ARHGEF2: variants seen among roughly 807,000 people sequenced by gnomAD.
The protein encoded by ARHGEF2 is rho guanine nucleotide exchange factor 2.
ARHGEF2 carries 22 observed loss-of-function variants against 121.0 expected under a neutral mutation model. The observed-to-expected ratio is 0.18, with a 90% CI of 0.13 to 0.26. The LOEUF is 0.26. Ranked by LOEUF, ARHGEF2 falls within the 10% of genes least tolerant of loss-of-function variation. The probability of loss-of-function intolerance (pLI) is 1.00; values close to 1 mark genes in which losing one functional copy is unlikely to be tolerated. For missense variants in ARHGEF2, 907 were observed against 1,336.0 expected (o/e 0.68, Z 5.01); for synonymous variants, 487 against 530.0 (o/e 0.92, Z 1.11).
Position 155,952,229 on chromosome 1 carries a change from C to T in ARHGEF2, c.1991G>A (p.Gly664Asp). The T allele has an allele frequency of 6.2e-7, 1 of 1,614,082 alleles. No homozygotes were observed. The highest frequency in any genetic ancestry group is 1.1e-5 in the South Asian group (1 of 91,084). The change falls in exon 16 of 22, where the codon GGT becomes GAT. Residue 664 changes from glycine (G) to aspartate (D), a missense_variant. Gly to Asp is a moderately conservative substitution (Grantham distance 94, BLOSUM62 -1). Coordinates refer to ENST00000361247, the MANE Select transcript of ARHGEF2 (RefSeq NM_001162383.2). ...TGGCCCCACCAGCAGGTCTTTCAGA[C>T]CCTCCACTGTGGGGAAAGAGGAAGA... ...LLQDAIREVE[G>D]LKDLLVGPGV...
Position 155,969,276 on chromosome 1 carries a change from C to A in ARHGEF2, c.88G>T (p.Glu30Ter), listed in dbSNP as rs4373753. 6.2e-7 allele frequency: 1 copy of A among 1,614,002 alleles called. No homozygotes were observed. The highest frequency in any genetic ancestry group is 1.3e-5 in the African/African-American group (1 of 74,918). ...SKTREKEKMKEAKDARYTNGH... is the reference protein window; with the variant it reads ...SKTREKEKMK ...TTGGTATAGCGGGCATCCTTGGCTTCCTTCATCTTCTCCTTTTCCCGGGTC... is the reference window on the plus strand; with the variant it reads ...TTGGTATAGCGGGCATCCTTGGCTTACTTCATCTTCTCCTTTTCCCGGGTC... The change falls in exon 2 of 22, where the codon GAA becomes TAA. Residue 30 changes from glutamate to a stop codon, truncating the protein, a stop_gained. Coordinates refer to ENST00000361247, the MANE Select transcript of ARHGEF2 (RefSeq NM_001162383.2). LOFTEE classifies it high-confidence loss of function.
chr1:155,970,858 C>T, intron 1 of ARHGEF2: 2 of 986,370 alleles, frequency 2.0e-6, no homozygotes, highest in Non-Finnish European at 1.2e-6. Context: ...TCCAGGTTTG[C>T]CTGATGATGT....
chr1:155,972,328 T>A (rs1356116301), intron 1 of ARHGEF2: 1 of 460,260 alleles, frequency 2.2e-6, no homozygotes, highest in Non-Finnish European at 4.4e-6. Context: ...CATCCCAGCA[T>A]GGGCACTGCC....
chr1:155,952,405 G>T (rs900966820), intron 15 of ARHGEF2, among the ~76,000 whole-genome samples, 170 bp from the exon 16 acceptor site: 5 of 152,232 alleles, frequency 3.3e-5, no homozygotes, highest in African/African-American at 1.2e-4. Flanking sequence ...AAATGCCTAC[G>T]AGGCAGCAGA....
chr1:155,962,277 G>T lies in ARHGEF2; in HGVS notation c.1102-55C>A. 5.8e-6 allele frequency: 9 copies of T among 1,558,056 alleles called. No homozygotes were observed. The highest frequency in any genetic ancestry group is 7.9e-6 in the Non-Finnish European group (9 of 1,132,808). On this transcript the variant is annotated intron_variant, in intron 9 of 21. Coordinates refer to ENST00000361247, the MANE Select transcript of ARHGEF2 (RefSeq NM_001162383.2). This position sits in a 1 kb window ranked among gnomAD's most constrained non-coding sequence, Gnocchi z 5.8. Reference sequence around the variant, plus strand: ...AGAGGGGAGGGCAACAGAAAGGCCTGGGGCCTGAGCTCTGGTGCTGGCCCT... The same window carrying T: ...AGAGGGGAGGGCAACAGAAAGGCCTTGGGCCTGAGCTCTGGTGCTGGCCCT...
rs1675255474 is a variant in ARHGEF2, at chr1:155,950,718, G to A, written c.2703+111C>T. On this transcript the variant is annotated intron_variant, in intron 20 of 21. Coordinates refer to ENST00000361247, the MANE Select transcript of ARHGEF2 (RefSeq NM_001162383.2). The surrounding 1 kb of genome is among the most constrained non-coding windows in gnomAD (Gnocchi z 5.2). ...CAACCAGTATCTCAATATCCTTCAA[G>A]TCAGTTGACTGATTGCATTTGGGCT... 1.7e-6 allele frequency: 2 copies of A among 1,160,916 alleles called. No homozygotes were observed. Among genetic ancestry groups the A allele is most frequent in the Non-Finnish European group, 2.5e-6 (2 of 812,314 alleles). The allele number at this position is 1,160,916 out of a possible 1,614,324, so 71.9% of individuals were successfully genotyped here. A position where few individuals can be genotyped will look rare whatever the true frequency, so the allele number is the denominator to read the frequency against.
intron 7 of ARHGEF2, among the ~76,000 whole-genome samples, chr1:155,963,672 ATTAT>A (rs973135837): frequency 2.1e-5 from 1 of 47,076 alleles, no homozygotes; most frequent in Non-Finnish European, 7.0e-5. Context: ...AAATTTTATT[ATTAT>A]TTTTTTTTTT....
Position 155,958,404 on chromosome 1 carries a change from G to T in ARHGEF2, c.1469-8C>A, listed in dbSNP as rs1324649283. 3 of 1,612,518 alleles carry T rather than the reference G, an allele frequency of 1.9e-6. No individual in the cohort carries two copies. Among genetic ancestry groups the T allele is most frequent in the Non-Finnish European group, 2.5e-6 (3 of 1,178,762 alleles). On this transcript the variant is annotated splice_polypyrimidine_tract_variant and splice_region_variant and intron_variant, in intron 11 of 21. Transcript: ENST00000361247. Reference sequence around the variant, plus strand: ...TCAGCAGCACTAGCACATCTGGAAGGGGATGAAGGTGGGAGAACAGTCAGC... The same window carrying T: ...TCAGCAGCACTAGCACATCTGGAAGTGGATGAAGGTGGGAGAACAGTCAGC...
chr1:155,978,435 C>A lies in ARHGEF2; in HGVS notation c.-8G>T. On this transcript the variant is annotated 5_prime_UTR_variant, in exon 1 of 22. Transcript: ENST00000361247. The surrounding 1 kb of genome is among the most constrained non-coding windows in gnomAD (Gnocchi z 4.1). ...GGATTCGATCCGAGACATAATCGGA[C>A]GGGGGGACCAGGGAGGACGCGGCGC... is the stretch of plus-strand genomic sequence containing the variant. The A allele has an allele frequency of 6.7e-7, 1 of 1,489,160 alleles. No homozygotes were observed. 92.2% of individuals were successfully genotyped at this position (1,489,160 alleles called of 1,614,324 possible). A position where few individuals can be genotyped will look rare whatever the true frequency, so the allele number is the denominator to read the frequency against.
At chr1:155,978,854 G>C (rs61813286), upstream of ARHGEF2, 681,728 of 984,842 alleles carry the variant, frequency 0.69, 243,628 homozygotes, top group Middle Eastern at 0.76. This position sits in a 1 kb window ranked among gnomAD's most constrained non-coding sequence, Gnocchi z 4.1. Flanking sequence ...TTTCCCCTCT[G>C]CCCTCCCCTT....
rs756673457 is a variant in ARHGEF2, at chr1:155,961,905, G to A, written c.1224C>T (p.Ile408=). The change falls in exon 11 of 22, where the codon ATC becomes ATT. Residue 408 remains isoleucine, a synonymous_variant. Transcript: ENST00000361247. This position sits in a 1 kb window ranked among gnomAD's most constrained non-coding sequence, Gnocchi z 4.7. ...TGGTCAGGTCCTGGCGCTCCTCCTC[G>A]ATCCCTGGCACCGGGGGTTGGCATG... ...ISRILQHSHG[I]EEERQDLTTA... 3.1e-6 allele frequency: 5 copies of A among 1,613,562 alleles called. No homozygotes were observed. The East Asian group carries it at 6.7e-5, about 22-fold the overall frequency.
In ARHGEF2 at chr1:155,962,367, C is replaced by T; in HGVS notation, c.1102-145G>A. On this transcript the variant is annotated intron_variant, in intron 9 of 21. Coordinates refer to ENST00000361247, the MANE Select transcript of ARHGEF2 (RefSeq NM_001162383.2). The surrounding 1 kb of genome is among the most constrained non-coding windows in gnomAD (Gnocchi z 5.8). ...CTGGAAAATGGGGATAACAACGCCA[C>T]AGGTTTGTTGTGAGGACCAACTGAA... 1 of 1,040,990 alleles carries T rather than the reference C, an allele frequency of 9.6e-7. No homozygotes were observed. The highest frequency in any genetic ancestry group is 1.5e-5 in the South Asian group (1 of 65,232). 64.5% of individuals were successfully genotyped at this position (1,040,990 alleles called of 1,614,324 possible).
chr1:155,962,999 C>G lies in ARHGEF2; in HGVS notation c.909G>C (p.Gln303His), dbSNP rs907381229. Reference protein sequence around the residue: ...FLSQLLERRRQALCPGSTRNF... With the variant: ...FLSQLLERRRHALCPGSTRNF... ...TCCGGGTGCTGCCAGGGCACAGGGC[C>G]TGGCGTCGGCGTTCTAATAGCTGGC... Residue 303 changes from glutamine (Q) to histidine (H), a missense_variant, in exon 8 of 22, where the codon CAG becomes CAC. By Grantham distance (24) the Gln-to-His change is conservative. Coordinates refer to ENST00000361247, the MANE Select transcript of ARHGEF2 (RefSeq NM_001162383.2). This position sits in a 1 kb window ranked among gnomAD's most constrained non-coding sequence, Gnocchi z 5.8. The G allele has an allele frequency of 4.3e-6, 7 of 1,614,068 alleles. No homozygotes were observed. The highest frequency in any genetic ancestry group is 5.9e-6 in the Non-Finnish European group (7 of 1,180,052).
intron 1 of ARHGEF2, chr1:155,969,562 T>C (rs775061055): frequency 1.7e-5 from 22 of 1,322,858 alleles, no homozygotes; most frequent in East Asian, 3.2e-5. Flanking sequence ...CTGCCTCCTG[T>C]TGCCACTCAT....
rs114657467 is a variant in ARHGEF2, at chr1:155,964,641, C to A, written c.724+347G>T. 3.3e-5 allele frequency among the ~76,000 whole-genome samples: 5 copies of A among 151,998 alleles called. No individual in the cohort carries two copies. In the Middle Eastern group the frequency reaches 0.014, roughly 414 times the overall value. ...GGGCTGGTAGAAAGAAGGACACAGC[C>A]GGGTACGGTGGCTCACGCCTGTAAT... On this transcript the variant is annotated intron_variant, in intron 7 of 21. Transcript: ENST00000361247.
In ARHGEF2 at chr1:155,947,442, G is replaced by A. The variant is rs1232347365; in HGVS notation, c.*500C>T. On this transcript the variant is annotated 3_prime_UTR_variant, in exon 22 of 22. Transcript: ENST00000361247. ...TGAGGGGAGAGGAGAAAGGGACATG[G>A]CCCTGCCCACAGCCCTCCTTTATTT... 1 of 456,630 alleles carries A rather than the reference G, an allele frequency of 2.2e-6. No individual in the cohort carries two copies. Among genetic ancestry groups the A allele is most frequent in the South Asian group, 1.5e-5 (1 of 64,544 alleles). The allele number at this position is 456,630 out of a possible 1,614,324, so 28.3% of individuals were successfully genotyped here.
rs1415975727 is a variant in ARHGEF2, at chr1:155,952,694, G to C, written c.1918C>G (p.Leu640Val). 4 of 1,614,110 alleles carry C rather than the reference G, an allele frequency of 2.5e-6. No homozygotes were observed. The highest frequency in any genetic ancestry group is 3.4e-6 in the Non-Finnish European group (4 of 1,180,046). Reference sequence around the variant, plus strand: ...GACTCAAGGGACTCAGAGCGGAAAAGGCCCCTGGGCAGGGTGGGCAGGGCC... The same window carrying C: ...GACTCAAGGGACTCAGAGCGGAAAACGCCCCTGGGCAGGGTGGGCAGGGCC... ...GMALPTLPRG[L>V]FRSESLESPR... The change falls in exon 15 of 22, where the codon CTT (leucine) becomes GTT (valine). Residue 640 changes from leucine (L) to valine (V), a missense_variant. By Grantham distance (32) the Leu-to-Val change is conservative. This residue lies in a region of ARHGEF2 where 432 missense variants were observed against 559.5 expected (regional missense o/e 0.77). Coordinates refer to ENST00000361247, the MANE Select transcript of ARHGEF2 (RefSeq NM_001162383.2).
At chr1:155,954,815 G>A in intron 14 of ARHGEF2, 87 bp downstream of exon 14, 1 of 1,281,324 alleles carries the variant, frequency 7.8e-7, no homozygotes, top group Non-Finnish European at 1.1e-6. Flanking sequence ...CCCTCATAGA[G>A]CCATCTCATC....
At chr1:155,979,489 C>T (rs963433461), upstream of ARHGEF2, among the ~76,000 whole-genome samples, 14 of 152,214 alleles carry the variant, frequency 9.2e-5, no homozygotes, top group Non-Finnish European at 2.1e-4. Context: ...ATTCCTCCTC[C>T]AGTCTAACTA....
Sources: allele counts gnomAD v4.1 joint callset (sites outside exome capture counted in the v4.1 genomes callset), GRCh38; gene constraint gnomAD v4.1.1; regional missense constraint gnomAD v4.1.1; non-coding constraint Gnocchi (gnomAD v3.1); transcripts MANE v1.5; gene names NCBI Gene and HGNC (gene_info 2026-07-23, HGNC 2026-07-21).